The following JAG2 variants were observed in gnomAD, a reference collection of about 807,000 sequenced individuals.
The protein encoded by JAG2 is protein jagged-2.
Under a neutral mutation model 141.7 loss-of-function variants are expected in JAG2, and 46 were observed. The observed-to-expected ratio is 0.32, with a 90% CI of 0.26 to 0.42. JAG2 has a LOEUF of 0.42. Ranked by LOEUF, JAG2 falls within the 10% of genes least tolerant of loss-of-function variation. JAG2 has a pLI of 1.00. For synonymous variants in JAG2, 862 were observed against 763.5 expected, an observed-to-expected ratio of 1.13 and a Z score of -2.13; for missense variants, 1,500 against 1,817.5, an observed-to-expected ratio of 0.83 and a Z score of 3.18.
chr14:105,168,154 C>A, intron 1 of JAG2, 47 bp from the exon 2 acceptor site: 3 of 1,421,004 alleles, frequency 2.1e-6, no homozygotes, highest in Non-Finnish European at 2.8e-6. Context: ...GGGCCGGGGT[C>A]GGCGGGCCGG....
Position 105,155,586 on chromosome 14 carries a change from C to G in JAG2, c.764G>C (p.Gly255Ala). The G allele has an allele frequency of 1.2e-6, 2 of 1,612,836 alleles. No homozygotes were observed. The highest frequency in any genetic ancestry group is 1.7e-6 in the Non-Finnish European group (2 of 1,179,946). ...CCTGCACTCCCCAGGCACGGTGCAT[C>G]CCCCGTGGAGCAAATTACACCCTTG... ...CKQGCNLLHG[G>A]CTVPGECRCS... Residue 255 changes from glycine (G) to alanine (A), a missense_variant, in exon 5 of 26, where the codon GGA becomes GCA. This residue lies in a region of JAG2 where 875 missense variants were observed against 1,202.2 expected (regional missense o/e 0.73). Coordinates refer to ENST00000331782, the MANE Select transcript of JAG2 (RefSeq NM_002226.5).
At chr14:105,150,125 AAGGGGAGGTTGGGGG>A (rs1276390227) in intron 12 of JAG2, among the ~76,000 whole-genome samples, 1 of 47,260 alleles carries the variant, frequency 2.1e-5, no homozygotes, top group Non-Finnish European at 4.0e-5. Flanking sequence ...GGCAGGGGGG[AAGGGGAGGTTGGGGG>A]AGGGGGTCCA....
chr14:105,142,781 TC>T lies in JAG2; in HGVS notation c.3630del (p.Arg1211GlyfsTer159). On this transcript the variant is annotated frameshift_variant, in exon 26 of 26. Coordinates refer to ENST00000331782, the MANE Select transcript of JAG2 (RefSeq NM_002226.5). LOFTEE classifies it low-confidence loss of function (END_TRUNC). ...GGGCCTGAGGCCCAGTGGGCCGGCCTCCCCGGCGAGCGGCCAGGATCTTTGG... is the reference window on the plus strand; with the variant it reads ...GGGCCTGAGGCCCAGTGGGCCGGCCTCCCGGCGAGCGGCCAGGATCTTTGG... ...KFTKDPGRSP[G>X]RPAHWASGPK... The T allele has an allele frequency of 6.2e-7, 1 of 1,611,040 alleles. No homozygotes were observed. The highest frequency in any genetic ancestry group is 8.5e-7 in the Non-Finnish European group (1 of 1,179,124).
intron 3 of JAG2, among the ~76,000 whole-genome samples, chr14:105,156,550 C>T (rs1888588960): frequency 6.6e-6 from 1 of 152,180 alleles, no homozygotes; most frequent in African/African-American, 2.4e-5. Context: ...CTGTCTAAGC[C>T]TCACTTTAAG....
At position 105,148,941 on chromosome 14, in the gene JAG2, A is replaced by G. The variant is rs758139785; in HGVS notation, c.1902T>C (p.His634=). ...CCGCCGTTCGTGGCCACTCACTCTC[A>G]TGGCAGTAGGTGCCAGTAAAGCCAC... The part of the protein sequence containing the change: ...CDSGFTGTYC[H]ENIDDCLGQP... Residue 634 remains histidine, a synonymous_variant, in exon 14 of 26, where the codon CAT becomes CAC. Coordinates refer to ENST00000331782, the MANE Select transcript of JAG2 (RefSeq NM_002226.5). 5.0e-6 allele frequency: 8 copies of G among 1,606,206 alleles called. No individual in the cohort carries two copies. Among genetic ancestry groups the G allele is most frequent in the Non-Finnish European group, 6.8e-6 (8 of 1,177,082 alleles).
Position 105,149,215 on chromosome 14 carries a change from T to G in JAG2, c.1708A>C (p.Asn570His). 1 of 1,611,828 alleles carries G rather than the reference T, an allele frequency of 6.2e-7. No homozygotes were observed. Among genetic ancestry groups the G allele is most frequent in the Non-Finnish European group, 8.5e-7 (1 of 1,179,764 alleles). Residue 570 changes from asparagine (N) to histidine (H), a missense_variant, in exon 13 of 26, where the codon AAC becomes CAC. Asn to His is a moderately conservative substitution (Grantham distance 68). Around this residue, in one of 3 missense-constraint regions of JAG2, gnomAD observed 875 missense variants for 1,202.2 expected, o/e 0.73. Transcript: ENST00000331782. ...CACGGCTCGCGGGGCACGGAGCAGT[T>G]CTTGCCACCAAAGTCATCAGGGCAG... ...CACPDDFGGK[N>H]CSVPREPCPG... is the part of the protein sequence containing the mutation.
At chr14:105,160,289 C>T (rs1417041109) in intron 2 of JAG2, among the ~76,000 whole-genome samples, 1 of 88,560 alleles carries the variant, frequency 1.1e-5, no homozygotes, top group African/African-American at 5.0e-5. Flanking sequence ...TTGGGGTTCC[C>T]AAGGCTCCTG....
chr14:105,168,018 G>T lies in JAG2; in HGVS notation c.156C>A (p.Gly52=), dbSNP rs1169823253. 4 of 1,597,784 alleles carry T rather than the reference G, an allele frequency of 2.5e-6. No homozygotes were observed. In the African/African-American group the frequency reaches 5.4e-5, roughly 22 times the overall value. Residue 52 remains glycine (G), a synonymous_variant, in exon 2 of 26, where the codon GGC becomes GGA. Coordinates refer to ENST00000331782, the MANE Select transcript of JAG2 (RefSeq NM_002226.5). ...GELLSGACCD[G]DGRTTRAGGC... is the part of the protein sequence containing the mutation. ...CCCCCGCGCGCGTTGTCCGGCCGTC[G>T]CCGTCACAGCAGGCGCCGCTCAGCA...
At chr14:105,146,845 AG>A in intron 20 of JAG2, 121 bp from the exon 21 acceptor site, 6 of 831,398 alleles carry the variant, frequency 7.2e-6, no homozygotes, top group South Asian at 7.2e-5. Context: ...AATGAGGAGC[AG>A]CCCCTGCCCC....
At position 105,142,738 on chromosome 14, in the gene JAG2, G is replaced by A. The variant is rs587606450; in HGVS notation, c.3674C>T (p.Ala1225Val). Reference sequence around the variant, plus strand: ...GCGGGCCTCATTGATGCTCCTGACCGCGCGGTTGTCCACTTTGGGGCCTGA... The same window carrying A: ...GCGGGCCTCATTGATGCTCCTGACCACGCGGTTGTCCACTTTGGGGCCTGA... ...WASGPKVDNR[A>V]VRSINEARYA... The change falls in exon 26 of 26, where the codon GCG (alanine) becomes GTG (valine). Residue 1225 changes from alanine (A) to valine (V), a missense_variant. Transcript: ENST00000331782. The A allele has an allele frequency of 1.6e-5, 25 of 1,608,930 alleles. No homozygotes were observed. The East Asian group carries it at 1.8e-4, about 12-fold the overall frequency.
chr14:105,162,909 C>G (rs890516119), intron 2 of JAG2, among the ~76,000 whole-genome samples: 18 of 88,742 alleles, frequency 2.0e-4, no homozygotes, highest in Non-Finnish European at 3.9e-4. Context: ...CGGCACCCCA[C>G]TGCCCACTGT....
chr14:105,143,868 C>A (rs1888142167), intron 24 of JAG2, among the ~76,000 whole-genome samples: 1 of 149,548 alleles, frequency 6.7e-6, no homozygotes, highest in Admixed American at 6.7e-5. Flanking sequence ...AGCCCAGGGT[C>A]CTGAGGTGTG....
Position 105,151,084 on chromosome 14 carries a change from T to A in JAG2, c.1288A>T (p.Lys430Ter), listed in dbSNP as rs781134028. The A allele has an allele frequency of 6.2e-7, 1 of 1,612,548 alleles. No individual in the cohort carries two copies. Among genetic ancestry groups the A allele is most frequent in the Non-Finnish European group, 8.5e-7 (1 of 1,179,570 alleles). The change falls in exon 10 of 26, where the codon AAG (lysine) becomes TAG (stop). Residue 430 changes from lysine to a stop codon, truncating the protein, a stop_gained. Coordinates refer to ENST00000331782, the MANE Select transcript of JAG2 (RefSeq NM_002226.5). LOFTEE classifies it high-confidence loss of function. ...CQLDANECEGKPCLNAFSCKN... is the reference protein window; with the variant it reads ...CQLDANECEG ...CAAGAAAAAGCGTTAAGGCATGGCT[T>A]CCCTTCACACTCATTGGCGTCTGTG...
Position 105,145,047 on chromosome 14 carries a change from G to A in JAG2, c.2967C>T (p.Gly989=), listed in dbSNP as rs765619477. Residue 989 remains glycine (G), a synonymous_variant, in exon 24 of 26, where the codon GGC becomes GGT. Coordinates refer to ENST00000331782, the MANE Select transcript of JAG2 (RefSeq NM_002226.5). ...GGGAGCGGATCCCGGAGCAAATGGCGCCCACCGTGGTGCCCTGGGCAGAGA... is the reference window on the plus strand; with the variant it reads ...GGGAGCGGATCCCGGAGCAAATGGCACCCACCGTGGTGCCCTGGGCAGAGA... ...RDHVPQGTTV[G]AICSGIRSLP... 1.9e-6 allele frequency: 3 copies of A among 1,609,830 alleles called. No homozygotes were observed. Among genetic ancestry groups the A allele is most frequent in the Non-Finnish European group, 1.7e-6 (2 of 1,179,794 alleles).
intron 12 of JAG2, among the ~76,000 whole-genome samples, chr14:105,150,191 TGA>T (rs1441506302): frequency 1.1e-4 from 16 of 151,666 alleles, no homozygotes; most frequent in Non-Finnish European, 1.5e-4. Flanking sequence ...GCATCAGCCC[TGA>T]GAGAGATGCC....
Position 105,167,633 on chromosome 14 carries a change from C to A in JAG2, c.417+124G>T, listed in dbSNP as rs1224354756. On this transcript the variant is annotated intron_variant, in intron 2 of 25. Coordinates refer to ENST00000331782, the MANE Select transcript of JAG2 (RefSeq NM_002226.5). This position sits in a 1 kb window ranked among gnomAD's most constrained non-coding sequence, Gnocchi z 4.8. ...AGCACGCGCCCCCTGCCGGCCCCGC[C>A]CCGCCTGGGCGCGCGCGGCTCGCAC... 1 of 1,138,358 alleles carries A rather than the reference C, an allele frequency of 8.8e-7. No homozygotes were observed. 70.5% of individuals were successfully genotyped at this position (1,138,358 alleles called of 1,614,324 possible).
At chr14:105,152,593 G>A (rs1178675106) in intron 5 of JAG2, among the ~76,000 whole-genome samples, 2 of 152,180 alleles carry the variant, frequency 1.3e-5, no homozygotes, top group Non-Finnish European at 2.9e-5. Flanking sequence ...GGAAGGCCCT[G>A]CCGGGACCCC....
intron 24 of JAG2, among the ~76,000 whole-genome samples, chr14:105,144,052 C>T (rs1227909728): frequency 6.6e-6 from 1 of 151,806 alleles, no homozygotes; most frequent in African/African-American, 2.4e-5. Context: ...CACAGGAGAG[C>T]CCGGGGTCCT....
Position 105,147,536 on chromosome 14 carries a change from G to A in JAG2, c.2366-9C>T, listed in dbSNP as rs766698697. On this transcript the variant is annotated splice_polypyrimidine_tract_variant and intron_variant, in intron 18 of 25. Transcript: ENST00000331782. ...GTTGCAGTCGTTGGTATCTGGTTTG[G>A]GAGAAGAGAACGCAGGGGATCAGTA... 1.2e-6 allele frequency: 2 copies of A among 1,611,586 alleles called. No individual in the cohort carries two copies. The highest frequency in any genetic ancestry group is 2.7e-5 in the African/African-American group (2 of 74,892).
Sources: gnomAD v4.1 joint callset for allele counts (sites outside exome capture counted in the v4.1 genomes callset) on GRCh38, gnomAD v4.1.1 for gene constraint, gnomAD v4.1.1 regional missense constraint, Gnocchi (gnomAD v3.1) non-coding constraint, MANE v1.5 for transcripts, NCBI Gene and HGNC (gene_info 2026-07-23, HGNC 2026-07-21) for gene names.